TGFBI: variants seen among roughly 807,000 people sequenced by gnomAD.
TGFBI encodes transforming growth factor-beta-induced protein ig-h3.
A neutral mutation model predicts 73.7 loss-of-function variants in TGFBI; 50 were observed. The ratio of observed to expected loss-of-function variants is 0.68; its 90% CI spans 0.54 to 0.86. The LOEUF is 0.86. Ranked by LOEUF, TGFBI falls within the 40% of genes least tolerant of loss-of-function variation. The pLI, the probability that TGFBI is intolerant of heterozygous loss-of-function variation, is 0.00. For synonymous variants in TGFBI, 362 were observed against 360.5 expected (o/e 1.00, Z -0.05); for missense variants, 839 against 877.0 (o/e 0.96, Z 0.55).
chr5:136,063,251 A>C lies in TGFBI; in HGVS notation c.*25A>C. 1 of 1,607,344 alleles carries C rather than the reference A, an allele frequency of 6.2e-7. No homozygotes were observed. Among genetic ancestry groups the C allele is most frequent in the South Asian group, 1.1e-5 (1 of 90,610 alleles). On this transcript the variant is annotated 3_prime_UTR_variant, in exon 17 of 17. Transcript: ENST00000442011. The stretch of plus-strand genomic sequence containing the variant: ...GCTTGAAGCACTACAGGAGGAATGC[A>C]CCACGGCAGCTCTCCGCCAATTTCT...
At chr5:136,047,116 C>T in intron 5 of TGFBI, 101 bp downstream of exon 5, 3 of 1,535,612 alleles carry the variant, frequency 2.0e-6, no homozygotes, top group Non-Finnish European at 2.6e-6. Flanking sequence ...GTAGACAACC[C>T]ACCCTCTTTG....
chr5:136,055,586 T>C, intron 10 of TGFBI, 94 bp from the exon 11 acceptor site: 5 of 1,224,484 alleles, frequency 4.1e-6, no homozygotes, highest in Non-Finnish European at 5.4e-6. Context: ...TTCATCTTCA[T>C]GGATAATGAC....
Position 136,059,088 on chromosome 5 carries a change from A to G in TGFBI, c.1679-2A>G, listed in dbSNP as rs748459664. ...TCTATCTCCTTTTCCCGCAACCTGCAGGAGATGCCAAGGAACTTGCCAACA... is the reference window on the plus strand; with the variant it reads ...TCTATCTCCTTTTCCCGCAACCTGCGGGAGATGCCAAGGAACTTGCCAACA... On this transcript the variant is annotated splice_acceptor_variant, in intron 12 of 16. Coordinates refer to ENST00000442011, the MANE Select transcript of TGFBI (RefSeq NM_000358.3). LOFTEE classifies it high-confidence loss of function. 1.9e-6 allele frequency: 3 copies of G among 1,610,908 alleles called. No individual in the cohort carries two copies. In the African/African-American group the frequency reaches 4.0e-5, roughly 22 times the overall value.
intron 3 of TGFBI, among the ~76,000 whole-genome samples, 186 bp downstream of exon 3, chr5:136,044,308 C>T (rs536432239): frequency 2.1e-4 from 32 of 152,384 alleles, no homozygotes; most frequent in African/African-American, 6.0e-4. Context: ...CTGGAAACAG[C>T]GCATTTCCTG....
At position 136,046,999 on chromosome 5, in the gene TGFBI, AC is replaced by A. The variant is rs1366801995; in HGVS notation, c.610del (p.His204ThrfsTer7). The A allele has an allele frequency of 6.2e-7, 1 of 1,612,556 alleles. No homozygotes were observed. Among genetic ancestry groups the A allele is most frequent in the Non-Finnish European group, 8.5e-7 (1 of 1,179,788 alleles). ...SMYQNSNIQI[H>X]HYPNGIVTVN... Reference sequence around the variant, plus strand: ...TACCAGAATTCCAACATCCAGATCCACCACTATCCTAATGGGGTAGGGGATC... The same window carrying A: ...TACCAGAATTCCAACATCCAGATCCACACTATCCTAATGGGGTAGGGGATC... On this transcript the variant is annotated frameshift_variant, in exon 5 of 17. Transcript: ENST00000442011. LOFTEE classifies it high-confidence loss of function.
At chr5:136,038,482 T>C (rs1185241056) in intron 2 of TGFBI, among the ~76,000 whole-genome samples, 1 of 151,916 alleles carries the variant, frequency 6.6e-6, no homozygotes, top group Non-Finnish European at 1.5e-5. Flanking sequence ...TTTGGGAGAC[T>C]GAGGCGAGCG....
chr5:136,057,892 T>A (rs2126916073), intron 12 of TGFBI, among the ~76,000 whole-genome samples: 1 of 152,300 alleles, frequency 6.6e-6, no homozygotes, highest in East Asian at 1.9e-4. Context: ...TTTCATCCTC[T>A]CTCTGTCCAG....
Position 136,047,426 on chromosome 5 carries a change from G to A in TGFBI, c.771+6G>A, listed in dbSNP as rs1290688283. 1.9e-6 allele frequency: 3 copies of A among 1,613,790 alleles called. No individual in the cohort carries two copies. Among genetic ancestry groups the A allele is most frequent in the Non-Finnish European group, 2.5e-6 (3 of 1,179,838 alleles). On this transcript the variant is annotated splice_donor_region_variant and intron_variant, in intron 6 of 16. Coordinates refer to ENST00000442011, the MANE Select transcript of TGFBI (RefSeq NM_000358.3). Reference sequence around the variant, plus strand: ...ACACCTTTGAGACCCTTCGGGTAAGGGACTGCCCTGGGTGGAGGCCCAGGC... The same window carrying A: ...ACACCTTTGAGACCCTTCGGGTAAGAGACTGCCCTGGGTGGAGGCCCAGGC...
chr5:136,052,657 A>C (rs1458309564), intron 7 of TGFBI, among the ~76,000 whole-genome samples: 2 of 152,178 alleles, frequency 1.3e-5, no homozygotes, highest in African/African-American at 4.8e-5. Context: ...ACTGATAAGG[A>C]AGTTGAGGTT....
chr5:136,031,176 G>A (rs1751113601), intron 1 of TGFBI, among the ~76,000 whole-genome samples: 1 of 152,184 alleles, frequency 6.6e-6, no homozygotes, highest in South Asian at 2.1e-4. Flanking sequence ...TGGATGCGCA[G>A]GCACATGAAC....
Position 136,047,007 on chromosome 5 carries a change from C to T in TGFBI, c.616C>T (p.Pro206Ser), listed in dbSNP as rs1751441460. The T allele has an allele frequency of 1.2e-6, 2 of 1,612,062 alleles. No individual in the cohort carries two copies. Among genetic ancestry groups the T allele is most frequent in the African/African-American group, 1.3e-5 (1 of 74,890 alleles). ...TTCCAACATCCAGATCCACCACTATCCTAATGGGGTAGGGGATCCCCAGCC... is the reference window on the plus strand; with the variant it reads ...TTCCAACATCCAGATCCACCACTATTCTAATGGGGTAGGGGATCCCCAGCC... ...QNSNIQIHHY[P>S]NGIVTVNCAR... Residue 206 changes from proline to serine, a missense_variant, in exon 5 of 17, where the codon CCT becomes TCT. Coordinates refer to ENST00000442011, the MANE Select transcript of TGFBI (RefSeq NM_000358.3).
chr5:136,046,405 C>G lies in TGFBI; in HGVS notation c.369C>G (p.Asp123Glu). The G allele has an allele frequency of 1.2e-6, 2 of 1,613,964 alleles. No homozygotes were observed. Among genetic ancestry groups the G allele is most frequent in the South Asian group, 2.2e-5 (2 of 91,076 alleles). The change falls in exon 4 of 17, where the codon GAC (aspartate) becomes GAG (glutamate). Residue 123 changes from aspartate (D) to glutamate (E), a missense_variant. Physicochemically the swap from Asp to Glu is conservative, Grantham distance 45. Transcript: ENST00000442011. ...VGSTTTQLYT[D>E]RTEKLRPEME... ...CCACCACCACTCAGCTGTACACGGA[C>G]CGCACGGAGAAGCTGAGGCCTGAGA...
In TGFBI at chr5:136,061,201, G is replaced by A. The variant is rs893172749; in HGVS notation, c.1906+265G>A. ...GGACACAGCCCAGTTTTCTGTATTC[G>A]CGTGGATGCTGTCCGCGCGATTCCC... On this transcript the variant is annotated intron_variant, in intron 14 of 16. Coordinates refer to ENST00000442011, the MANE Select transcript of TGFBI (RefSeq NM_000358.3). 12 of 572,992 alleles carry A rather than the reference G, an allele frequency of 2.1e-5. No homozygotes were observed. In the Middle Eastern group the frequency reaches 1.4e-3, roughly 66 times the overall value. The allele number at this position is 572,992 out of a possible 1,614,324, so 35.5% of individuals were successfully genotyped here. A position where few individuals can be genotyped will look rare whatever the true frequency, so the allele number is the denominator to read the frequency against.
At position 136,053,129 on chromosome 5, in the gene TGFBI, G is replaced by A. The variant is rs781167334; in HGVS notation, c.1126+10G>A. ...CTCATCCCAGACTCAGGTAGGCCAG[G>A]CCTCCGGGGGCCTTGGCCCTGCCTG... On this transcript the variant is annotated intron_variant, in intron 8 of 16. Transcript: ENST00000442011. 1.9e-6 allele frequency: 3 copies of A among 1,612,446 alleles called. No individual in the cohort carries two copies. The East Asian group carries it at 6.7e-5, about 36-fold the overall frequency.
intron 13 of TGFBI, among the ~76,000 whole-genome samples, chr5:136,059,874 C>T (rs1291684865): frequency 6.6e-6 from 1 of 152,176 alleles, no homozygotes; most frequent in Non-Finnish European, 1.5e-5. Flanking sequence ...GGAAGATATG[C>T]ATGTAGGGAG....
At chr5:136,044,189 C>T in intron 3 of TGFBI, 67 bp downstream of exon 3, 6 of 1,394,580 alleles carry the variant, frequency 4.3e-6, no homozygotes. Flanking sequence ...AGAGGAGTAC[C>T]CACATAAAAG....
Position 136,063,242 on chromosome 5 carries a change from G to A in TGFBI, c.*16G>A, listed in dbSNP as rs1580724944. ...GAAGCATTAGCTTGAAGCACTACAG[G>A]AGGAATGCACCACGGCAGCTCTCCG... On this transcript the variant is annotated 3_prime_UTR_variant, in exon 17 of 17. Transcript: ENST00000442011. 1 of 1,611,928 alleles carries A rather than the reference G, an allele frequency of 6.2e-7. No homozygotes were observed. Among genetic ancestry groups the A allele is most frequent in the Non-Finnish European group, 8.5e-7 (1 of 1,178,186 alleles).
intron 7 of TGFBI, 91 bp from the exon 8 acceptor site, chr5:136,052,816 C>A: frequency 7.9e-7 from 1 of 1,265,020 alleles, no homozygotes; most frequent in Non-Finnish European, 1.1e-6. Flanking sequence ...TCTGAGAGAA[C>A]AGGATCCTCA....
intron 2 of TGFBI, among the ~76,000 whole-genome samples, chr5:136,034,345 T>G (rs1012063417): frequency 9.2e-5 from 14 of 151,998 alleles, no homozygotes; most frequent in African/African-American, 3.4e-4. Flanking sequence ...TTGCACAGAC[T>G]TCCTCATTCA....
Sources: allele counts gnomAD v4.1 joint callset (sites outside exome capture counted in the v4.1 genomes callset), GRCh38; gene constraint gnomAD v4.1.1; transcripts MANE v1.5; gene names NCBI Gene and HGNC (gene_info 2026-07-23, HGNC 2026-07-21).